Variants in KYNU observed in about 807,000 individuals in gnomAD.
KYNU encodes L-kynurenine hydrolase.
In KYNU, 54 loss-of-function variants were observed where a neutral mutation model predicts 59.2. The observed-to-expected ratio is 0.91, with a 90% CI of 0.73 to 1.14. KYNU has a LOEUF of 1.14. Ranked by LOEUF, KYNU falls within the 50% of genes most tolerant of loss-of-function variation. KYNU has a pLI of 0.00. For missense variants in KYNU, 567 were observed against 554.4 expected, an observed-to-expected ratio of 1.02 and a Z score of -0.23; for synonymous variants, 177 against 192.0, an observed-to-expected ratio of 0.92 and a Z score of 0.65.
chr2:143,025,901 GTGA>G (rs1314587862), intron 10 of KYNU, among the ~76,000 whole-genome samples: 1 of 152,152 alleles, frequency 6.6e-6, no homozygotes, highest in Non-Finnish European at 1.5e-5. Context: ...ATATTTTTAA[GTGA>G]TGGATTTTAA....
chr2:142,934,576 A>G (rs1683325072), intron 4 of KYNU, among the ~76,000 whole-genome samples: 2 of 152,118 alleles, frequency 1.3e-5, no homozygotes, highest in East Asian at 1.9e-4. Context: ...ATTAATTTCT[A>G]CAATAGAGAC....
chr2:142,984,389 C>T (rs1265644278), intron 8 of KYNU, among the ~76,000 whole-genome samples: 2 of 151,978 alleles, frequency 1.3e-5, no homozygotes. Flanking sequence ...TTATCATTGG[C>T]AGCAAATATT....
At chr2:142,957,177 A>G (rs1459857619) in intron 6 of KYNU, among the ~76,000 whole-genome samples, 1 of 152,132 alleles carries the variant, frequency 6.6e-6, no homozygotes, top group Non-Finnish European at 1.5e-5. Flanking sequence ...TAATATCTAC[A>G]AAAGATTCCA....
At chr2:142,887,549 C>T (rs1045197770) in intron 2 of KYNU, among the ~76,000 whole-genome samples, 9 of 152,064 alleles carry the variant, frequency 5.9e-5, no homozygotes, top group Admixed American at 5.2e-4. Context: ...TGGAATTAAC[C>T]CATCATCAAT....
At chr2:143,032,779 C>T (rs952289160) in intron 11 of KYNU, among the ~76,000 whole-genome samples, 3 of 114,344 alleles carry the variant, frequency 2.6e-5, no homozygotes, top group African/African-American at 9.2e-5. Flanking sequence ...CTTGACCTAA[C>T]AATCCTAGAG....
At position 142,955,525 on chromosome 2, in the gene KYNU, A is replaced by G. The variant is rs970591528; in HGVS notation, c.435+654A>G. 3.3e-5 allele frequency among the ~76,000 whole-genome samples: 5 copies of G among 152,106 alleles called. No homozygotes were observed. In the South Asian group the frequency reaches 1.0e-3, roughly 31 times the overall value. Reference sequence around the variant, plus strand: ...TGGATTTGACTCCCAGCTAAATTACATAATGCTTATTTGAGGTTGAAAAAG... The same window carrying G: ...TGGATTTGACTCCCAGCTAAATTACGTAATGCTTATTTGAGGTTGAAAAAG... On this transcript the variant is annotated intron_variant, in intron 5 of 13. Coordinates refer to ENST00000264170, the MANE Select transcript of KYNU (RefSeq NM_003937.3).
At chr2:143,013,453 G>A (rs977713406) in intron 10 of KYNU, among the ~76,000 whole-genome samples, 1 of 151,956 alleles carries the variant, frequency 6.6e-6, no homozygotes, top group Admixed American at 6.6e-5. Flanking sequence ...CATTTCCTTT[G>A]GGTATATGTC....
At chr2:142,930,644 G>A (rs1683178647) in intron 4 of KYNU, among the ~76,000 whole-genome samples, 1 of 151,988 alleles carries the variant, frequency 6.6e-6, no homozygotes, top group South Asian at 2.1e-4. Context: ...ACAGTTCTCT[G>A]GTGTCTCTCA....
At chr2:142,889,132 AT>A (rs1215243510) in intron 2 of KYNU, among the ~76,000 whole-genome samples, 1 of 151,816 alleles carries the variant, frequency 6.6e-6, no homozygotes, top group Admixed American at 6.6e-5. Flanking sequence ...AAGATAACAC[AT>A]TTTTCATAAC....
chr2:142,932,556 G>A (rs1300147967), intron 4 of KYNU, among the ~76,000 whole-genome samples: 2 of 152,168 alleles, frequency 1.3e-5, no homozygotes, highest in Non-Finnish European at 2.9e-5. Flanking sequence ...ATTTATGACA[G>A]GAGTGTTTTT....
Position 142,986,036 on chromosome 2 carries a change from C to G in KYNU, c.902+15C>G, listed in dbSNP as rs1157313517. 1.3e-6 allele frequency: 2 copies of G among 1,587,950 alleles called. No individual in the cohort carries two copies. The highest frequency in any genetic ancestry group is 1.7e-6 in the Non-Finnish European group (2 of 1,157,214). Reference sequence around the variant, plus strand: ...ATTAAACCTGCGTGAGTACCATCTTCAGCTAATTCTTTGGTGATGAACAAA... The same window carrying G: ...ATTAAACCTGCGTGAGTACCATCTTGAGCTAATTCTTTGGTGATGAACAAA... On this transcript the variant is annotated intron_variant, in intron 10 of 13. Coordinates refer to ENST00000264170, the MANE Select transcript of KYNU (RefSeq NM_003937.3).
intron 10 of KYNU, among the ~76,000 whole-genome samples, chr2:143,024,491 T>C (rs905728820): frequency 9.2e-5 from 14 of 152,072 alleles, no homozygotes; most frequent in African/African-American, 2.9e-4. Context: ...GTAAAACTTA[T>C]ACAATTTGAC....
chr2:143,025,640 A>T (rs1336756774), intron 10 of KYNU, among the ~76,000 whole-genome samples: 8 of 144,872 alleles, frequency 5.5e-5, no homozygotes, highest in South Asian at 2.2e-4. Flanking sequence ...TTTTTTTTTT[A>T]AACTGGAACT....
rs543381886 is a variant in KYNU at position 142,907,682 on chromosome 2, G to GA, written c.170-10927_170-10926insA. Among the ~76,000 whole-genome samples the GA allele has an allele frequency of 8.0e-3, 1,213 of 150,750 alleles. 9 individuals are homozygous for GA. The highest frequency in any genetic ancestry group is 0.02 in the Middle Eastern group (6 of 294). On this transcript the variant is annotated intron_variant, in intron 2 of 13. Coordinates refer to ENST00000264170, the MANE Select transcript of KYNU (RefSeq NM_003937.3). ...TGCCTGGGTTTATATCCTGATCATT[G>GA]TCCCCCCGTTGTGCTCTCAGGTGAT...
At chr2:142,993,493 C>G (rs1263182244) in intron 10 of KYNU, among the ~76,000 whole-genome samples, 1 of 151,960 alleles carries the variant, frequency 6.6e-6, no homozygotes, top group Admixed American at 6.6e-5. Flanking sequence ...GTAAGGGACC[C>G]AAAAGTAGAC....
chr2:142,887,989 C>G (rs144412548), intron 2 of KYNU, among the ~76,000 whole-genome samples: 308 of 152,252 alleles, frequency 2.0e-3, no homozygotes, highest in African/African-American at 7.2e-3. Flanking sequence ...ATAATCACTT[C>G]TGTTATACTT....
rs915893271 is a variant in KYNU at position 143,047,665 on chromosome 2, G to C, written c.*5493G>C. ...AACTCAAACACTTGAGTGATCCTCT[G>C]TCCCCCGTTTCCCAAGCAGCTGGGA... On this transcript the variant is annotated 3_prime_UTR_variant, in exon 14 of 14. Coordinates refer to ENST00000264170, the MANE Select transcript of KYNU (RefSeq NM_003937.3). The C allele has an allele frequency of 6.6e-6, 1 of 151,266 alleles. No homozygotes were observed. Among genetic ancestry groups the C allele is most frequent in the African/African-American group, 2.4e-5 (1 of 41,142 alleles). The allele number at this position is 151,266 out of a possible 1,614,324, so 9.4% of individuals were successfully genotyped here.
chr2:142,905,899 C>G (rs566065036), intron 2 of KYNU, among the ~76,000 whole-genome samples: 1 of 152,280 alleles, frequency 6.6e-6, no homozygotes, highest in South Asian at 2.1e-4. Context: ...CTTCGATTAT[C>G]AATTATAGGT....
rs10528472 is a variant in KYNU, at chr2:143,042,583, GATATATAT to G, written c.*452_*459del. ...GAGTTTCTTTGAAGCATTGTAGTCTGATATATATATATATATATATATATATATATATA... is the reference window on the plus strand; with the variant it reads ...GAGTTTCTTTGAAGCATTGTAGTCTGATATATATATATATATATATATATA... On this transcript the variant is annotated 3_prime_UTR_variant, in exon 14 of 14. Coordinates refer to ENST00000264170, the MANE Select transcript of KYNU (RefSeq NM_003937.3). The G allele has an allele frequency of 0.02, 2,745 of 134,872 alleles. 38 individuals carry two copies. The highest frequency in any genetic ancestry group is 0.046 in the East Asian group (196 of 4,250). The allele number at this position is 134,872 out of a possible 1,614,324, so 8.4% of individuals were successfully genotyped here.
Sources: gnomAD v4.1 joint callset for allele counts (sites outside exome capture counted in the v4.1 genomes callset) on GRCh38, gnomAD v4.1.1 for gene constraint, MANE v1.5 for transcripts, NCBI Gene and HGNC (gene_info 2026-07-23, HGNC 2026-07-21) for gene names.